Variants in INTS9 observed in about 807,000 individuals in gnomAD.
The protein encoded by INTS9 is integrator complex subunit 9, also known as protein related to CPSF subunits of 74 kDa.
A neutral mutation model predicts 79.7 loss-of-function variants in INTS9; 55 were observed. That is an observed-to-expected ratio of 0.69 (90% CI 0.56 to 0.86). INTS9 has a LOEUF of 0.86. Ranked by LOEUF, INTS9 falls within the 40% of genes least tolerant of loss-of-function variation. The probability of loss-of-function intolerance (pLI) is 0.00; values close to 1 mark genes in which losing one functional copy is unlikely to be tolerated. For synonymous variants in INTS9, 319 were observed against 325.2 expected, an observed-to-expected ratio of 0.98 and a Z score of 0.20; for missense variants, 721 against 831.5, an observed-to-expected ratio of 0.87 and a Z score of 1.64.
chr8:28,826,312 T>C (rs17059489), intron 6 of INTS9, among the ~76,000 whole-genome samples: 14,579 of 152,096 alleles, frequency 0.096, 902 homozygotes, highest in East Asian at 0.26. Context: ...TCAGTTGCTA[T>C]CCCAGGAAAA....
intron 1 of INTS9, among the ~76,000 whole-genome samples, chr8:28,870,225 T>C (rs2131334300): frequency 6.6e-6 from 1 of 152,050 alleles, no homozygotes; most frequent in South Asian, 2.1e-4. Context: ...TTGAAGTGGT[T>C]ACCACAGGGG....
intron 8 of INTS9, among the ~76,000 whole-genome samples, chr8:28,811,764 C>G (rs1362335055): frequency 1.3e-5 from 2 of 152,152 alleles, no homozygotes; most frequent in African/African-American, 4.8e-5. Flanking sequence ...TGAGATCTTC[C>G]CATTGGCTTT....
chr8:28,778,192 A>G (rs773329699), intron 12 of INTS9, among the ~76,000 whole-genome samples: 1 of 152,174 alleles, frequency 6.6e-6, no homozygotes, highest in Non-Finnish European at 1.5e-5. Flanking sequence ...GGAGAAATAC[A>G]TATGTGGGGG....
chr8:28,840,820 T>G (rs1807137381), intron 4 of INTS9, among the ~76,000 whole-genome samples: 1 of 148,354 alleles, frequency 6.7e-6, no homozygotes, highest in Admixed American at 6.7e-5. Flanking sequence ...AGGGATAGCA[T>G]TAAGAGATAT....
At position 28,770,918 on chromosome 8, in the gene INTS9, T is replaced by C; in HGVS notation, c.1662+64A>G. The C allele has an allele frequency of 8.2e-6, 9 of 1,097,066 alleles. 1 individual carries two copies. In the South Asian group the frequency reaches 1.2e-4, roughly 14 times the overall value. 68.0% of individuals were successfully genotyped at this position (1,097,066 alleles called of 1,614,324 possible). A position where few individuals can be genotyped will look rare whatever the true frequency, so the allele number is the denominator to read the frequency against. On this transcript the variant is annotated intron_variant, in intron 15 of 16. Coordinates refer to ENST00000521022, the MANE Select transcript of INTS9 (RefSeq NM_018250.4). ...ATGAAGCGCTATTTCAAATATAATC[T>C]GTTAGGTGGTCTGGTTTCTTGCTGG...
intron 1 of INTS9, among the ~76,000 whole-genome samples, chr8:28,881,055 T>G (rs79574637): frequency 0.027 from 3,825 of 142,490 alleles, 25 homozygotes; most frequent in Non-Finnish European, 0.043. Context: ...AGCCCCTCCG[T>G]CCGGCAACCA....
At chr8:28,880,512 C>T (rs1809669236) in intron 1 of INTS9, among the ~76,000 whole-genome samples, 1 of 151,890 alleles carries the variant, frequency 6.6e-6, no homozygotes. Context: ...CCGCCAGCCT[C>T]GGCCTCCCGA....
At chr8:28,796,821 G>A (rs993415996) in intron 8 of INTS9, 166 bp from the exon 9 acceptor site, 1 of 574,946 alleles carries the variant, frequency 1.7e-6, no homozygotes, top group Non-Finnish European at 3.2e-6. Context: ...GGCTGCCTAA[G>A]TTGGGTGGGG....
At chr8:28,876,432 CTTA>C (rs1221087318) in intron 1 of INTS9, among the ~76,000 whole-genome samples, 1 of 152,106 alleles carries the variant, frequency 6.6e-6, no homozygotes, top group Admixed American at 6.5e-5. Flanking sequence ...AGAAAAATAA[CTTA>C]TTGTTAGGCT....
chr8:28,833,559 G>A (rs1457004157), intron 6 of INTS9, among the ~76,000 whole-genome samples: 1 of 151,460 alleles, frequency 6.6e-6, no homozygotes, highest in African/African-American at 2.4e-5. Context: ...GGTGGAGGTT[G>A]CAGTGAGCCA....
chr8:28,793,780 A>AC (rs758635658), intron 10 of INTS9, 27 bp downstream of exon 10: 69,925 of 758,650 alleles, frequency 0.092, 55 homozygotes, highest in Non-Finnish European at 0.1. Context: ...TAAAATTCAC[A>AC]AAAAAAAAAA....
At chr8:28,878,469 C>A (rs1485414682) in intron 1 of INTS9, among the ~76,000 whole-genome samples, 1 of 148,972 alleles carries the variant, frequency 6.7e-6, no homozygotes, top group Admixed American at 6.6e-5. Context: ...TGTGCCACCA[C>A]ATCCAGCTAA....
intron 8 of INTS9, among the ~76,000 whole-genome samples, chr8:28,802,690 CT>C (rs994414945): frequency 2.7e-4 from 41 of 152,258 alleles, no homozygotes; most frequent in African/African-American, 9.6e-4. Flanking sequence ...AATAAACAAA[CT>C]AAACCTAAAC....
rs1803732414 is a variant in INTS9 at position 28,788,335 on chromosome 8, A to G, written c.1038-446T>C. Among the ~76,000 whole-genome samples the G allele has an allele frequency of 7.9e-5, 12 of 152,256 alleles. 2 individuals are homozygous for G. In the South Asian group the frequency reaches 2.3e-3, roughly 29 times the overall value. ...TGTCCCTTTTCTGTTCCAGGATCCAATCCGTGGTATCATATTGCATTTAGT... is the reference window on the plus strand; with the variant it reads ...TGTCCCTTTTCTGTTCCAGGATCCAGTCCGTGGTATCATATTGCATTTAGT... On this transcript the variant is annotated intron_variant, in intron 10 of 16. Coordinates refer to ENST00000521022, the MANE Select transcript of INTS9 (RefSeq NM_018250.4).
Position 28,777,812 on chromosome 8 carries a change from G to A in INTS9, c.1395+17C>T, listed in dbSNP as rs1417281864. On this transcript the variant is annotated intron_variant, in intron 13 of 16. Transcript: ENST00000521022. ...GTGACATGACTACGTGAAGGCACAA[G>A]CAGTGTCCTTCATTACCTGCACTTC... is the stretch of plus-strand genomic sequence containing the variant. The A allele has an allele frequency of 2.5e-6, 4 of 1,592,934 alleles. No individual in the cohort carries two copies. The highest frequency in any genetic ancestry group is 2.3e-5 in the East Asian group (1 of 43,628).
chr8:28,778,400 T>C (rs537493472), intron 12 of INTS9, among the ~76,000 whole-genome samples: 4 of 152,238 alleles, frequency 2.6e-5, no homozygotes, highest in South Asian at 2.1e-4. Flanking sequence ...AAGGTACTGA[T>C]TTAATACAAT....
At chr8:28,852,994 C>T (rs972157583) in intron 2 of INTS9, among the ~76,000 whole-genome samples, 5 of 152,134 alleles carry the variant, frequency 3.3e-5, no homozygotes, top group African/African-American at 1.2e-4. Flanking sequence ...AATGAGTTAT[C>T]AAATAAACCA....
chr8:28,872,851 A>G (rs1236258056), intron 1 of INTS9, among the ~76,000 whole-genome samples: 1 of 152,230 alleles, frequency 6.6e-6, no homozygotes, highest in Non-Finnish European at 1.5e-5. Flanking sequence ...TGTCACTCAG[A>G]GCTGAATCTA....
chr8:28,774,195 C>T (rs1003386178), intron 14 of INTS9, among the ~76,000 whole-genome samples: 1 of 152,224 alleles, frequency 6.6e-6, no homozygotes, highest in Non-Finnish European at 1.5e-5. Context: ...TAGGCACACA[C>T]ACAGTGAACA....
Sources: gnomAD v4.1 joint callset for allele counts (sites outside exome capture counted in the v4.1 genomes callset) on GRCh38, gnomAD v4.1.1 for gene constraint, MANE v1.5 for transcripts, NCBI Gene and HGNC (gene_info 2026-07-23, HGNC 2026-07-21) for gene names.